The following WWOX variants were observed in gnomAD, a reference collection of about 807,000 sequenced individuals.
WWOX encodes WW domain containing oxidoreductase, also known as WW domain-containing oxidoreductase.
WWOX carries 69 observed loss-of-function variants against 46.2 expected under a neutral mutation model. The ratio of observed to expected loss-of-function variants is 1.49; its 90% confidence interval spans 1.23 to 1.82. The LOEUF (loss-of-function observed/expected upper bound fraction) is 1.82. WWOX is among the 40% of genes most tolerant of loss of function. The pLI, the probability that WWOX is intolerant of heterozygous loss-of-function variation, is 0.00. For missense variants in WWOX, 919 were observed against 542.6 expected (o/e 1.69, Z -6.89); for synonymous variants, 359 against 202.6 (o/e 1.77, Z -6.56).
chr16:78,851,397 A>C (rs1247031373), intron 8 of WWOX, among the ~76,000 whole-genome samples: 4 of 152,254 alleles, frequency 2.6e-5, no homozygotes, highest in Admixed American at 2.6e-4. Flanking sequence ...TTATAGGCAG[A>C]AGTACGGGTA....
chr16:79,209,130 C>A lies in WWOX; in HGVS notation c.1057-2478C>A, dbSNP rs1392667764. On this transcript the variant is annotated intron_variant, in intron 8 of 8. Coordinates refer to ENST00000566780, the MANE Select transcript of WWOX (RefSeq NM_016373.4). ...AGTGGCAAAGGAATCAAAGCCATCT[C>A]CTGATAAAAAGTTAGGCTTTTCAAA... 3.3e-5 allele frequency among the ~76,000 whole-genome samples: 5 copies of A among 152,266 alleles called. No individual in the cohort carries two copies. In the East Asian group the frequency reaches 9.7e-4, roughly 29 times the overall value.
intron 8 of WWOX, among the ~76,000 whole-genome samples, chr16:78,846,533 C>A (rs186611248): frequency 6.6e-6 from 1 of 152,004 alleles, no homozygotes; most frequent in Admixed American, 6.6e-5. Flanking sequence ...ATTAGAATGA[C>A]GTGGTGCATT....
chr16:78,253,698 C>G (rs533900136), intron 5 of WWOX, among the ~76,000 whole-genome samples: 1 of 152,190 alleles, frequency 6.6e-6, no homozygotes, highest in African/African-American at 2.4e-5. Context: ...AGATATTTAA[C>G]TTTACTAACA....
At chr16:78,879,449 C>G (rs1165355620) in intron 8 of WWOX, among the ~76,000 whole-genome samples, 2 of 152,038 alleles carry the variant, frequency 1.3e-5, no homozygotes, top group Non-Finnish European at 2.9e-5. Flanking sequence ...TTTTCAGGAT[C>G]TGCTCTCACT....
chr16:78,160,418 C>T (rs2034756738), intron 4 of WWOX, among the ~76,000 whole-genome samples: 1 of 152,112 alleles, frequency 6.6e-6, no homozygotes, highest in African/African-American at 2.4e-5. Context: ...AGCCACTGTG[C>T]CTGGTCTTCT....
At chr16:78,687,179 C>A (rs545000547) in intron 8 of WWOX, among the ~76,000 whole-genome samples, 1 of 152,094 alleles carries the variant, frequency 6.6e-6, no homozygotes, top group African/African-American at 2.4e-5. Context: ...TTACACTGTT[C>A]AACACAGTTC....
intron 5 of WWOX, among the ~76,000 whole-genome samples, chr16:78,370,375 A>G (rs1171873445): frequency 1.3e-5 from 2 of 152,306 alleles, no homozygotes; most frequent in South Asian, 2.1e-4. Flanking sequence ...GTACTGTGTA[A>G]GAATTGGCCA....
intron 8 of WWOX, among the ~76,000 whole-genome samples, chr16:78,617,354 A>T (rs967593317): frequency 6.6e-6 from 1 of 151,066 alleles, no homozygotes; most frequent in African/African-American, 2.4e-5. Context: ...GTGAGCCGAC[A>T]TTGCACCACT....
intron 8 of WWOX, among the ~76,000 whole-genome samples, chr16:78,650,165 A>T (rs543374731): frequency 7.9e-4 from 121 of 152,354 alleles, no homozygotes; most frequent in African/African-American, 2.8e-3. Flanking sequence ...AAAATAAAAA[A>T]GAGTGTTTGG....
At chr16:78,933,453 C>CA (rs148253774) in intron 8 of WWOX, among the ~76,000 whole-genome samples, 1 of 151,930 alleles carries the variant, frequency 6.6e-6, no homozygotes, top group Non-Finnish European at 1.5e-5. Context: ...AACAAACAAA[C>CA]AAAAAAAGTC....
chr16:78,547,082 C>G (rs147031688), intron 8 of WWOX, among the ~76,000 whole-genome samples: 4 of 136,998 alleles, frequency 2.9e-5, no homozygotes, highest in African/African-American at 5.7e-5. Flanking sequence ...GAGCCAAGAT[C>G]ATGCCACTGC....
chr16:79,143,361 T>A (rs1261521136), intron 8 of WWOX, among the ~76,000 whole-genome samples: 1 of 152,216 alleles, frequency 6.6e-6, no homozygotes, highest in African/African-American at 2.4e-5. Context: ...AAAATGTCAG[T>A]GTATTTCTTG....
intron 5 of WWOX, among the ~76,000 whole-genome samples, chr16:78,305,719 C>T (rs1331765594): frequency 2.6e-5 from 4 of 152,160 alleles, no homozygotes; most frequent in South Asian, 2.1e-4. Flanking sequence ...TTGGGTACCA[C>T]GCAGCCCACA....
chr16:78,486,873 T>C (rs992127760), intron 8 of WWOX, among the ~76,000 whole-genome samples: 7 of 152,278 alleles, frequency 4.6e-5, no homozygotes, highest in East Asian at 3.9e-4. Context: ...CCCCCGACCA[T>C]TGTCTGTCAG....
At chr16:79,047,549 G>A (rs1436345612) in intron 8 of WWOX, among the ~76,000 whole-genome samples, 3 of 152,042 alleles carry the variant, frequency 2.0e-5, no homozygotes, top group African/African-American at 7.2e-5. Flanking sequence ...GCCACCATGT[G>A]TATCAGTGTC....
At chr16:78,802,965 G>A (rs1335621560) in intron 8 of WWOX, among the ~76,000 whole-genome samples, 9 of 107,072 alleles carry the variant, frequency 8.4e-5, no homozygotes, top group African/African-American at 2.3e-4. Context: ...AAATGAACGA[G>A]TGAGTGGCAA....
At chr16:78,864,351 C>G (rs1410800517) in intron 8 of WWOX, among the ~76,000 whole-genome samples, 2 of 151,630 alleles carry the variant, frequency 1.3e-5, no homozygotes, top group African/African-American at 2.4e-5. Context: ...ACTGCAGCCT[C>G]GATCTCCTGG....
intron 8 of WWOX, among the ~76,000 whole-genome samples, chr16:78,863,400 A>G (rs1020255875): frequency 6.6e-6 from 1 of 152,234 alleles, no homozygotes; most frequent in South Asian, 2.1e-4. Flanking sequence ...GACCCTGAGT[A>G]TCTTAGAATC....
At chr16:78,714,890 A>G (rs1328475879) in intron 8 of WWOX, among the ~76,000 whole-genome samples, 2 of 152,176 alleles carry the variant, frequency 1.3e-5, no homozygotes, top group African/African-American at 4.8e-5. Flanking sequence ...ACATGGAATG[A>G]TATGGTGTGA....
Sources: allele counts gnomAD v4.1 joint callset (sites outside exome capture counted in the v4.1 genomes callset), GRCh38; gene constraint gnomAD v4.1.1; transcripts MANE v1.5; gene names NCBI Gene and HGNC (gene_info 2026-07-23, HGNC 2026-07-21).